CFAP69: variants seen among roughly 807,000 people sequenced by gnomAD.
The protein encoded by CFAP69 is cilia and flagella associated protein 69.
In CFAP69, 92 loss-of-function variants were observed where a neutral mutation model predicts 123.0. That is an observed-to-expected ratio of 0.75 (90% CI 0.63 to 0.89). The LOEUF is 0.89. CFAP69 is among the 40% of genes least tolerant of loss of function. The pLI, the probability that CFAP69 is intolerant of heterozygous loss-of-function variation, is 0.00. For missense variants in CFAP69, 1,067 were observed against 1,096.9 expected, an observed-to-expected ratio of 0.97 and a Z score of 0.39; for synonymous variants, 380 against 364.3, an observed-to-expected ratio of 1.04 and a Z score of -0.49.
Position 90,272,190 on chromosome 7 carries a change from G to A in CFAP69, c.860+232G>A, listed in dbSNP as rs549516516. On this transcript the variant is annotated intron_variant, in intron 8 of 22. Transcript: ENST00000389297. ...GCTTCTTAACACTAAAATATAACTT[G>A]GAATATAGATAAAGTAAAATTAGAC... is the stretch of plus-strand genomic sequence containing the variant. 30 of 358,856 alleles carry A rather than the reference G, an allele frequency of 8.4e-5. No individual in the cohort carries two copies. The South Asian group carries it at 1.6e-3, about 20-fold the overall frequency. 22.2% of individuals were successfully genotyped at this position (358,856 alleles called of 1,614,324 possible).
intron 14 of CFAP69, chr7:90,287,761 G>A (rs1790518073): frequency 1.0e-6 from 1 of 985,390 alleles, no homozygotes; most frequent in African/African-American, 1.7e-5. Flanking sequence ...TAATTAGTAA[G>A]AGAAAAATAT....
chr7:90,312,621 A>G (rs1794428186), downstream of CFAP69: 1 of 152,176 alleles, frequency 6.6e-6, no homozygotes, highest in Non-Finnish European at 1.5e-5. Context: ...AAGTTTGCAT[A>G]TTATAATTCC....
In CFAP69 at chr7:90,310,882, A is replaced by G. The variant is rs900297263; in HGVS notation, c.*644A>G. The G allele has an allele frequency of 3.3e-5, 5 of 152,236 alleles. No homozygotes were observed. The highest frequency in any genetic ancestry group is 1.2e-4 in the African/African-American group (5 of 41,454). 9.4% of individuals were successfully genotyped at this position (152,236 alleles called of 1,614,324 possible). A position where few individuals can be genotyped will look rare whatever the true frequency, so the allele number is the denominator to read the frequency against. ...GAATCAGGGTACTATTATCAGAAGC[A>G]AGTATATATGAATATTGGGCAGCAA... On this transcript the variant is annotated 3_prime_UTR_variant, in exon 23 of 23. Coordinates refer to ENST00000389297, the MANE Select transcript of CFAP69 (RefSeq NM_001039706.3).
At chr7:90,273,953 A>T in intron 8 of CFAP69, 34 bp from the exon 9 acceptor site, 1 of 1,497,570 alleles carries the variant, frequency 6.7e-7, no homozygotes, top group Non-Finnish European at 9.1e-7. Flanking sequence ...AGTGTATAAC[A>T]ATATAGTTTT....
Position 90,268,278 on chromosome 7 carries a change from T to C in CFAP69, c.434-8T>C. 6.3e-7 allele frequency: 1 copy of C among 1,584,496 alleles called. No homozygotes were observed. Among genetic ancestry groups the C allele is most frequent in the Non-Finnish European group, 8.6e-7 (1 of 1,160,264 alleles). ...TTGTTAAATAGCACCTGTTTATCTT[T>C]CTGGCAGGTGACTTAATGAAAATAC... On this transcript the variant is annotated splice_region_variant and splice_polypyrimidine_tract_variant and intron_variant, in intron 5 of 22. Transcript: ENST00000389297.
At chr7:90,255,803 C>T (rs1797576263) in intron 2 of CFAP69, among the ~76,000 whole-genome samples, 1 of 151,920 alleles carries the variant, frequency 6.6e-6, no homozygotes. Context: ...GATTGGAGGA[C>T]AGAAATGGTA....
the CFAP69 span, chr7:90,319,875 A>G: frequency 1.0e-5 from 4 of 396,970 alleles, no homozygotes; most frequent in Non-Finnish European, 1.8e-5. Flanking sequence ...CTTACTAGGT[A>G]TTCATTTTTT....
At chr7:90,319,244 T>C in the CFAP69 span, 1 of 397,242 alleles carries the variant, frequency 2.5e-6, no homozygotes, top group African/African-American at 2.1e-5. Context: ...GGAAAAAAAC[T>C]AAATATGGTA....
At chr7:90,272,892 G>C (rs1190677918) in intron 8 of CFAP69, among the ~76,000 whole-genome samples, 2 of 152,124 alleles carry the variant, frequency 1.3e-5, no homozygotes, top group African/African-American at 4.8e-5. Flanking sequence ...TCAAATGCCT[G>C]TTCCACAGTG....
intron 9 of CFAP69, among the ~76,000 whole-genome samples, chr7:90,275,314 G>T (rs1227977337): frequency 6.6e-6 from 1 of 151,964 alleles, no homozygotes; most frequent in Non-Finnish European, 1.5e-5. Flanking sequence ...TTGAGGTATG[G>T]CAGCCCAAAT....
At chr7:90,256,928 A>G (rs1797720045) in intron 2 of CFAP69, among the ~76,000 whole-genome samples, 1 of 152,200 alleles carries the variant, frequency 6.6e-6, no homozygotes, top group Non-Finnish European at 1.5e-5. Flanking sequence ...TTCATTTTTA[A>G]TTGACTTAAG....
At chr7:90,321,358 G>C in the CFAP69 span, 1 of 152,286 alleles carries the variant, frequency 6.6e-6, no homozygotes, top group South Asian at 2.1e-4. Flanking sequence ...GGGGCAGATC[G>C]TGGGTGGCCG....
At chr7:90,260,752 T>C (rs1395972317) in intron 3 of CFAP69, among the ~76,000 whole-genome samples, 2 of 152,172 alleles carry the variant, frequency 1.3e-5, no homozygotes, top group Admixed American at 1.3e-4. Context: ...AGGGATTTCT[T>C]TTCCTATTTT....
rs894151329 is a variant in CFAP69 at position 90,245,293 on chromosome 7, G to C, written c.-132G>C. On this transcript the variant is annotated 5_prime_UTR_variant, in exon 1 of 23. Coordinates refer to ENST00000389297, the MANE Select transcript of CFAP69 (RefSeq NM_001039706.3). ...GGCCTAGGCCCCTGGCGGAATTTTG[G>C]GACCTTTCGCGACTCTAGCGACTCT... 11 of 1,289,602 alleles carry C rather than the reference G, an allele frequency of 8.5e-6. No homozygotes were observed. The highest frequency in any genetic ancestry group is 1.1e-5 in the Non-Finnish European group (11 of 991,230). 79.9% of individuals were successfully genotyped at this position (1,289,602 alleles called of 1,614,324 possible). A position where few individuals can be genotyped will look rare whatever the true frequency, so the allele number is the denominator to read the frequency against.
At chr7:90,264,015 C>G (rs999756878) in intron 4 of CFAP69, among the ~76,000 whole-genome samples, 2 of 148,542 alleles carry the variant, frequency 1.3e-5, no homozygotes, top group African/African-American at 5.0e-5. Flanking sequence ...GGCGTGAACC[C>G]AGAAGGCAGA....
chr7:90,311,090 G>A (rs1794286290), downstream of CFAP69: 1 of 152,124 alleles, frequency 6.6e-6, no homozygotes, highest in Non-Finnish European at 1.5e-5. Flanking sequence ...TAATGGGGAA[G>A]GGAAAGGTGT....
the CFAP69 span, chr7:90,317,731 C>T: frequency 6.6e-6 from 1 of 152,098 alleles, no homozygotes; most frequent in African/African-American, 2.4e-5. Context: ...AAGAACGTCC[C>T]TCCTTTAATT....
rs368893731 is a variant in CFAP69, at chr7:90,268,266, C to T, written c.434-20C>T. 220 of 1,509,484 alleles carry T rather than the reference C, an allele frequency of 1.5e-4. No homozygotes were observed. Among genetic ancestry groups the T allele is most frequent in the Non-Finnish European group, 1.9e-4 (213 of 1,095,016 alleles). 93.5% of individuals were successfully genotyped at this position (1,509,484 alleles called of 1,614,324 possible). On this transcript the variant is annotated intron_variant, in intron 5 of 22. Coordinates refer to ENST00000389297, the MANE Select transcript of CFAP69 (RefSeq NM_001039706.3). Reference sequence around the variant, plus strand: ...CTTATGACAGTGTTGTTAAATAGCACCTGTTTATCTTTCTGGCAGGTGACT... The same window carrying T: ...CTTATGACAGTGTTGTTAAATAGCATCTGTTTATCTTTCTGGCAGGTGACT...
intron 1 of CFAP69, among the ~76,000 whole-genome samples, chr7:90,246,968 T>C (rs1204565641): frequency 1.3e-5 from 2 of 152,308 alleles, no homozygotes; most frequent in African/African-American, 2.4e-5. Context: ...TACTGCTCTT[T>C]CCAGGGCCTA....
Sources: allele counts gnomAD v4.1 joint callset (sites outside exome capture counted in the v4.1 genomes callset), GRCh38; gene constraint gnomAD v4.1.1; transcripts MANE v1.5; gene names NCBI Gene and HGNC (gene_info 2026-07-23, HGNC 2026-07-21).